STPG2: variants seen among roughly 807,000 people sequenced by gnomAD.
STPG2 encodes sperm-tail PG-rich repeat-containing protein 2.
In STPG2, 56 loss-of-function variants were observed where a neutral mutation model predicts 54.2. The observed-to-expected ratio is 1.03, with a 90% confidence interval of 0.83 to 1.29. The LOEUF (loss-of-function observed/expected upper bound fraction) is 1.29, where lower values mean the gene tolerates loss of function less well. Among genes scored for constraint, STPG2 ranks in the 50% most tolerant of loss-of-function variants. STPG2 has a pLI of 0.00. For synonymous variants in STPG2, 200 were observed against 181.8 expected (o/e 1.10, Z -0.81); for missense variants, 596 against 544.9 (o/e 1.09, Z -0.93).
intron 10 of STPG2, among the ~76,000 whole-genome samples, chr4:97,705,597 A>G (rs1723916507): frequency 6.6e-6 from 1 of 152,054 alleles, no homozygotes; most frequent in African/African-American, 2.4e-5. Flanking sequence ...AAGTTCTAGG[A>G]TTACAGGTGT....
chr4:97,707,083 A>T (rs909049132), intron 10 of STPG2, among the ~76,000 whole-genome samples: 1 of 152,146 alleles, frequency 6.6e-6, no homozygotes, highest in East Asian at 1.9e-4. Context: ...CAGGTAATTA[A>T]AGGTATTAGG....
At chr4:98,099,501 G>A (rs1377402095) in intron 5 of STPG2, among the ~76,000 whole-genome samples, 1 of 152,158 alleles carries the variant, frequency 6.6e-6, no homozygotes, top group Non-Finnish European at 1.5e-5. Context: ...AGGAGGTGGG[G>A]ATGGTTACTG....
chr4:97,491,469 A>T (rs1730501989), intron 4 of STPG2, among the ~76,000 whole-genome samples: 1 of 151,552 alleles, frequency 6.6e-6, no homozygotes, highest in African/African-American at 2.4e-5. Context: ...CAGAAGACAT[A>T]GTAGAGAGTA....
At chr4:97,683,262 C>G (rs1723085631) in intron 10 of STPG2, among the ~76,000 whole-genome samples, 1 of 151,728 alleles carries the variant, frequency 6.6e-6, no homozygotes, top group Admixed American at 6.6e-5. Flanking sequence ...CAAAAGGAAG[C>G]TATTCAACAG....
At chr4:97,658,463 T>C (rs922575153) in intron 10 of STPG2, among the ~76,000 whole-genome samples, 16 of 152,174 alleles carry the variant, frequency 1.1e-4, no homozygotes, top group Admixed American at 4.6e-4. Flanking sequence ...TGCAGGAAAG[T>C]GTGACATAGG....
chr4:97,534,802 C>A (rs1009915649), intron 4 of STPG2, among the ~76,000 whole-genome samples: 1 of 152,150 alleles, frequency 6.6e-6, no homozygotes, highest in Non-Finnish European at 1.5e-5. Flanking sequence ...GCAGCCCTGA[C>A]AACCACTACT....
chr4:97,813,173 CTTA>C (rs1727796846), intron 9 of STPG2, among the ~76,000 whole-genome samples: 1 of 152,036 alleles, frequency 6.6e-6, no homozygotes, highest in Non-Finnish European at 1.5e-5. Context: ...CCTCCTATCT[CTTA>C]TTATAAGAAT....
chr4:97,544,277 G>C (rs1731787514), intron 4 of STPG2, among the ~76,000 whole-genome samples: 1 of 152,044 alleles, frequency 6.6e-6, no homozygotes, highest in South Asian at 2.1e-4. Flanking sequence ...GATTCAGATA[G>C]CGGTGCCACT....
chr4:97,816,215 CT>C (rs1016217496), intron 9 of STPG2, among the ~76,000 whole-genome samples: 37 of 152,184 alleles, frequency 2.4e-4, no homozygotes, highest in African/African-American at 8.4e-4. Flanking sequence ...TGAACTTATC[CT>C]TTTTTATGGC....
intron 9 of STPG2, among the ~76,000 whole-genome samples, chr4:97,824,519 G>T (rs528794771): frequency 6.6e-6 from 1 of 152,236 alleles, no homozygotes; most frequent in East Asian, 1.9e-4. Flanking sequence ...TCAGAAAGAG[G>T]GGTACCTTAG....
At chr4:97,991,455 GTGTGTATATA>G (rs771635960) in intron 5 of STPG2, among the ~76,000 whole-genome samples, 2 of 142,632 alleles carry the variant, frequency 1.4e-5, no homozygotes, top group Admixed American at 7.0e-5. Flanking sequence ...GTGTGTGTGT[GTGTGTATATA>G]TATATATGTA....
chr4:97,506,058 CTG>C (rs934047421), intron 4 of STPG2, among the ~76,000 whole-genome samples: 2 of 136,838 alleles, frequency 1.5e-5, no homozygotes, highest in African/African-American at 5.4e-5. Context: ...GCTTCAGACA[CTG>C]TGTTAGATCT....
intron 8 of STPG2, among the ~76,000 whole-genome samples, chr4:97,864,076 T>C (rs1211711042): frequency 1.3e-5 from 2 of 152,114 alleles, no homozygotes; most frequent in Non-Finnish European, 2.9e-5. Context: ...CTATTCAACA[T>C]AGTGTTGGAA....
chr4:97,488,728 A>G lies in STPG2; in HGVS notation c.462+223971T>C, dbSNP rs575334111. On this transcript the variant is annotated intron_variant, in intron 4 of 4. Transcript: ENST00000522676. ...CAATACATAGAGGACAAAACAAATA[A>G]TGTTTAAGAATCAGGCCTGGAAGTG... 3.3e-5 allele frequency among the ~76,000 whole-genome samples: 5 copies of G among 151,740 alleles called. No homozygotes were observed. In the East Asian group the frequency reaches 9.8e-4, roughly 30 times the overall value.
At chr4:97,612,733 G>T (rs904271746) in intron 10 of STPG2, among the ~76,000 whole-genome samples, 1 of 151,836 alleles carries the variant, frequency 6.6e-6, no homozygotes, top group South Asian at 2.1e-4. Context: ...GCCACACCAC[G>T]GATCTCAATT....
intron 8 of STPG2, among the ~76,000 whole-genome samples, chr4:97,913,921 A>G (rs1578684688): frequency 6.6e-6 from 1 of 152,264 alleles, no homozygotes; most frequent in East Asian, 1.9e-4. Flanking sequence ...CCTGACTTTG[A>G]GTGTTTATTT....
At chr4:97,745,289 T>G (rs1373207539) in intron 9 of STPG2, among the ~76,000 whole-genome samples, 1 of 146,242 alleles carries the variant, frequency 6.8e-6, no homozygotes, top group African/African-American at 2.5e-5. Context: ...TGCAGAAAAG[T>G]GCCCTAAATT....
intron 7 of STPG2, among the ~76,000 whole-genome samples, chr4:97,946,814 G>A (rs973597041): frequency 6.6e-6 from 1 of 151,338 alleles, no homozygotes; most frequent in African/African-American, 2.4e-5. Context: ...ACAATCTGAA[G>A]TCCAGTAATG....
At chr4:97,547,927 G>C (rs1731875666) in intron 4 of STPG2, among the ~76,000 whole-genome samples, 1 of 151,818 alleles carries the variant, frequency 6.6e-6, no homozygotes, top group Non-Finnish European at 1.5e-5. Flanking sequence ...GAGGCAGGCG[G>C]AACACCTGAG....
Sources: allele counts gnomAD v4.1 joint callset (sites outside exome capture counted in the v4.1 genomes callset), GRCh38; gene constraint gnomAD v4.1.1; transcripts MANE v1.5; gene names NCBI Gene and HGNC (gene_info 2026-07-23, HGNC 2026-07-21).